TENM1: variants seen among roughly 807,000 people sequenced by gnomAD.
TENM1 encodes the protein teneurin transmembrane protein 1.
In TENM1, 35 loss-of-function variants were observed where a neutral mutation model predicts 174.8. That is an observed-to-expected ratio of 0.20 (90% CI 0.15 to 0.27). The LOEUF is 0.27. TENM1 is among the 10% of genes least tolerant of loss of function. The pLI is 1.00. For synonymous variants in TENM1, 781 were observed against 798.7 expected, an observed-to-expected ratio of 0.98 and a Z score of 0.37; for missense variants, 1,633 against 2,130.1, an observed-to-expected ratio of 0.77 and a Z score of 4.59.
At chrX:124,963,963 CAAT>C (rs1447523285), upstream of TENM1, 5 of 411,705 alleles carry the variant, frequency 1.2e-5, no homozygotes, top group African/African-American at 5.1e-5. Context: ...TAGCCGGAGG[CAAT>C]AATAACACTC....
chrX:124,631,194 A>G (rs1279195354), intron 11 of TENM1, among the ~76,000 whole-genome samples: 1 of 112,222 alleles, frequency 8.9e-6, no homozygotes, highest in Non-Finnish European at 1.9e-5. Flanking sequence ...ACCATGTTTC[A>G]TGTAACCAAA....
At chrX:125,021,049 T>A in the TENM1 span, among the ~76,000 whole-genome samples, 1 of 111,358 alleles carries the variant, frequency 9.0e-6, no homozygotes. Flanking sequence ...CAACATTTTC[T>A]ATATGACTAG....
the TENM1 span, among the ~76,000 whole-genome samples, chrX:125,056,111 A>G: frequency 3.6e-5 from 4 of 111,648 alleles, no homozygotes; most frequent in South Asian, 1.5e-3. Context: ...TGAAAAAAAA[A>G]ACAGAATTAT....
the TENM1 span, among the ~76,000 whole-genome samples, chrX:125,133,983 G>A: frequency 1.1e-4 from 12 of 111,081 alleles, no homozygotes; most frequent in African/African-American, 3.6e-4. Flanking sequence ...AGTTGTAAAT[G>A]TTAAAAGCTG....
intron 3 of TENM1, among the ~76,000 whole-genome samples, chrX:124,834,229 T>C (rs2056347301): frequency 8.9e-6 from 1 of 112,057 alleles, no homozygotes. Context: ...TGGAGAGCAG[T>C]GGTGCGATCT....
chrX:124,808,745 A>G (rs1377810175), intron 3 of TENM1, among the ~76,000 whole-genome samples: 3 of 112,163 alleles, frequency 2.7e-5, no homozygotes, highest in African/African-American at 9.7e-5. Context: ...CAATGATGAA[A>G]TTAAAAGGGC....
At chrX:124,926,419 C>A (rs1384812818) in intron 1 of TENM1, among the ~76,000 whole-genome samples, 1 of 111,453 alleles carries the variant, frequency 9.0e-6, no homozygotes, top group Non-Finnish European at 1.9e-5. Context: ...ATGAAACATC[C>A]ACTCTTTTTA....
chrX:125,039,679 T>C, the TENM1 span, among the ~76,000 whole-genome samples: 1 of 111,577 alleles, frequency 9.0e-6, no homozygotes, highest in Non-Finnish European at 1.9e-5. Flanking sequence ...CAGAATCAGA[T>C]GCCTAAAAGT....
At chrX:124,837,175 G>A in intron 3 of TENM1, among the ~76,000 whole-genome samples, 1 of 112,203 alleles carries the variant, frequency 8.9e-6, no homozygotes, top group Non-Finnish European at 1.9e-5. Context: ...TGCAACCTGT[G>A]CCTCCCGGGT....
intron 10 of TENM1, 53 bp from the exon 14 acceptor site, chrX:124,642,044 G>A: frequency 1.2e-6 from 1 of 863,444 alleles, no homozygotes; most frequent in South Asian, 2.1e-5. Flanking sequence ...AACAGGTATG[G>A]CCAACATACC....
chrX:124,950,305 A>C (rs1412465436), intron 1 of TENM1, among the ~76,000 whole-genome samples: 2 of 112,008 alleles, frequency 1.8e-5, no homozygotes, highest in Admixed American at 9.5e-5. Flanking sequence ...TTTTTAATTC[A>C]ATTTACTAAA....
At chrX:124,495,364 GT>G (rs1305888496) in intron 20 of TENM1, among the ~76,000 whole-genome samples, 1 of 108,863 alleles carries the variant, frequency 9.2e-6, no homozygotes, top group South Asian at 4.1e-4. Context: ...GGGGTTGTTT[GT>G]TTTTTTCTTG....
the TENM1 span, among the ~76,000 whole-genome samples, chrX:125,038,685 T>C: frequency 1.3e-4 from 14 of 111,418 alleles, no homozygotes; most frequent in African/African-American, 4.2e-4. Flanking sequence ...AAATTGTAAG[T>C]TGGCCTATAA....
chrX:124,878,351 T>C (rs1225389034), intron 3 of TENM1, among the ~76,000 whole-genome samples: 1 of 110,521 alleles, frequency 9.0e-6, no homozygotes, highest in African/African-American at 3.3e-5. Flanking sequence ...GGATCCAGAG[T>C]CAAACTGGAG....
intron 1 of TENM1, among the ~76,000 whole-genome samples, chrX:124,958,437 T>C (rs1177931687): frequency 1.8e-5 from 2 of 112,018 alleles, no homozygotes; most frequent in African/African-American, 6.5e-5. Flanking sequence ...TGCCCTTTTC[T>C]AATGATAATC....
chrX:124,745,116 A>G (rs959886619), intron 3 of TENM1, among the ~76,000 whole-genome samples: 7 of 111,961 alleles, frequency 6.3e-5, no homozygotes, highest in Non-Finnish European at 1.1e-4. Context: ...CCCTTGTCCA[A>G]ATTTTTCAAA....
the TENM1 span, among the ~76,000 whole-genome samples, chrX:125,098,839 T>C: frequency 6.9e-4 from 78 of 112,232 alleles, 1 homozygote; most frequent in Middle Eastern, 4.6e-3. Flanking sequence ...AACAACATTT[T>C]AATTACATTT....
At chrX:124,471,761 TTATATAA>T (rs1469874871) in intron 22 of TENM1, among the ~76,000 whole-genome samples, 1 of 96,106 alleles carries the variant, frequency 1.0e-5, no homozygotes, top group East Asian at 3.1e-4. Context: ...TAATATATAC[TTATATAA>T]TATACAATAT....
At chrX:124,420,003 T>C (rs1018473428) in intron 25 of TENM1, among the ~76,000 whole-genome samples, 1 of 112,060 alleles carries the variant, frequency 8.9e-6, no homozygotes, top group African/African-American at 3.2e-5. Flanking sequence ...GTACCTTATC[T>C]TCCCAGGGAT....
Sources: allele counts gnomAD v4.1 joint callset (sites outside exome capture counted in the v4.1 genomes callset), GRCh38; gene constraint gnomAD v4.1.1; transcripts MANE v1.5; gene names NCBI Gene and HGNC (gene_info 2026-07-23, HGNC 2026-07-21).